The following SEC63 variants were observed in gnomAD, a reference collection of about 807,000 sequenced individuals.
SEC63 encodes translocation protein SEC63 homolog.
SEC63 carries 56 observed loss-of-function variants against 116.2 expected under a neutral mutation model. The ratio of observed to expected loss-of-function variants is 0.48; its 90% CI spans 0.39 to 0.60. The LOEUF (loss-of-function observed/expected upper bound fraction) is 0.60. SEC63 is among the 20% of genes least tolerant of loss of function. SEC63 has a pLI of 0.00. For synonymous variants in SEC63, 273 were observed against 294.6 expected (o/e 0.93, Z 0.75); for missense variants, 668 against 900.0 (o/e 0.74, Z 3.30).
chr6:107,947,854 T>TC (rs1770507835), intron 1 of SEC63, among the ~76,000 whole-genome samples: 1 of 151,064 alleles, frequency 6.6e-6, no homozygotes, highest in African/African-American at 2.4e-5. Flanking sequence ...ATCACCAACC[T>TC]CCCCCTCCAC....
At chr6:107,929,894 A>C (rs755162002) in intron 1 of SEC63, among the ~76,000 whole-genome samples, 2 of 152,250 alleles carry the variant, frequency 1.3e-5, no homozygotes, top group Non-Finnish European at 2.9e-5. Context: ...TGGTTTATTA[A>C]GGAAGCTAAG....
At chr6:107,950,053 T>C (rs1421238070) in intron 1 of SEC63, among the ~76,000 whole-genome samples, 1 of 152,202 alleles carries the variant, frequency 6.6e-6, no homozygotes, top group Non-Finnish European at 1.5e-5. Flanking sequence ...AGACTCACTT[T>C]ATATCCAAAG....
intron 4 of SEC63, among the ~76,000 whole-genome samples, chr6:107,919,055 C>T (rs373586971): frequency 2.6e-5 from 4 of 152,106 alleles, no homozygotes; most frequent in Middle Eastern, 3.4e-3. Context: ...GGATTACAGG[C>T]ATGCCCCACC....
intron 4 of SEC63, 115 bp from the exon 5 acceptor site, chr6:107,913,542 T>C: frequency 3.8e-6 from 3 of 788,232 alleles, no homozygotes; most frequent in Admixed American, 1.9e-5. Context: ...ACTGATTCCA[T>C]GAATCAAGAA....
intron 1 of SEC63, among the ~76,000 whole-genome samples, chr6:107,953,967 A>G (rs1218003993): frequency 3.3e-5 from 5 of 152,120 alleles, no homozygotes; most frequent in Non-Finnish European, 5.9e-5. Context: ...TGGGAGGTGT[A>G]CCCAACAGCT....
chr6:107,916,420 G>A (rs1227649904), intron 4 of SEC63, among the ~76,000 whole-genome samples: 1 of 152,356 alleles, frequency 6.6e-6, no homozygotes, highest in African/African-American at 2.4e-5. Context: ...CAAGGGGAGA[G>A]AAGAGACATA....
chr6:107,924,142 T>C (rs1787618059), intron 3 of SEC63, among the ~76,000 whole-genome samples: 1 of 149,654 alleles, frequency 6.7e-6, no homozygotes, highest in Admixed American at 6.7e-5. Flanking sequence ...CAGGTGCCTG[T>C]AGTCCCAGCT....
intron 7 of SEC63, among the ~76,000 whole-genome samples, chr6:107,910,644 G>A (rs1246608241): frequency 6.6e-6 from 1 of 151,012 alleles, no homozygotes; most frequent in Non-Finnish European, 1.5e-5. Context: ...ATATACACAT[G>A]TCATACATTT....
intron 13 of SEC63, 137 bp downstream of exon 13, chr6:107,901,233 C>G: frequency 1.2e-6 from 1 of 838,190 alleles, no homozygotes; most frequent in Non-Finnish European, 2.0e-6. Flanking sequence ...GTAAATCTGA[C>G]AGGTAAACTA....
chr6:107,938,850 C>A (rs1348300718), intron 1 of SEC63, among the ~76,000 whole-genome samples: 1 of 152,176 alleles, frequency 6.6e-6, no homozygotes, highest in Non-Finnish European at 1.5e-5. Flanking sequence ...CCACCGCCCA[C>A]GCCCAGCTAG....
chr6:107,902,834 A>C lies in SEC63; in HGVS notation c.1209+10T>G. 1 of 1,613,214 alleles carries C rather than the reference A, an allele frequency of 6.2e-7. No individual in the cohort carries two copies. The highest frequency in any genetic ancestry group is 1.1e-5 in the South Asian group (1 of 91,052). The stretch of plus-strand genomic sequence containing the variant: ...TGCTGAAAACTGACTTTAAAGTAGC[A>C]AAGAATTACCTTCTTATGATTAGAA... On this transcript the variant is annotated intron_variant, in intron 12 of 20. Coordinates refer to ENST00000369002, the MANE Select transcript of SEC63 (RefSeq NM_007214.5).
At chr6:107,892,669 A>T (rs1361831245) in intron 16 of SEC63, among the ~76,000 whole-genome samples, 2 of 152,230 alleles carry the variant, frequency 1.3e-5, no homozygotes, top group Non-Finnish European at 2.9e-5. Flanking sequence ...CTACAATTTC[A>T]GTAACAAGAC....
chr6:107,925,687 C>G (rs1787659551), intron 2 of SEC63, among the ~76,000 whole-genome samples: 4 of 152,174 alleles, frequency 2.6e-5, no homozygotes, highest in Admixed American at 2.6e-4. Context: ...AAAGTAATAT[C>G]TGGCAGTAAG....
At chr6:107,894,624 T>C (rs1180311600) in intron 14 of SEC63, among the ~76,000 whole-genome samples, 2 of 152,160 alleles carry the variant, frequency 1.3e-5, no homozygotes, top group East Asian at 3.8e-4. Context: ...CCAGTAAGCA[T>C]CTATACTAGA....
At chr6:107,939,816 T>C (rs1770336076) in intron 1 of SEC63, among the ~76,000 whole-genome samples, 2 of 152,176 alleles carry the variant, frequency 1.3e-5, no homozygotes, top group African/African-American at 4.8e-5. Flanking sequence ...CGTGGTTTGT[T>C]TGCCAGAATG....
intron 1 of SEC63, chr6:107,954,889 T>C (rs999691121): frequency 4.6e-5 from 7 of 152,244 alleles, no homozygotes; most frequent in Admixed American, 3.9e-4. Flanking sequence ...ACAATTTTCA[T>C]AATGATTAGA....
chr6:107,953,586 C>G (rs1296631214), intron 1 of SEC63, among the ~76,000 whole-genome samples: 1 of 147,378 alleles, frequency 6.8e-6, no homozygotes, highest in African/African-American at 2.5e-5. Context: ...GTCAGCCCCC[C>G]GCCCGGCCAG....
intron 16 of SEC63, among the ~76,000 whole-genome samples, chr6:107,889,441 C>T (rs1202462851): frequency 1.3e-5 from 2 of 152,012 alleles, no homozygotes; most frequent in East Asian, 3.9e-4. Flanking sequence ...GGTGACATCC[C>T]CTTTATCTTT....
At chr6:107,955,861 C>G (rs1337877202) in intron 1 of SEC63, 2 of 195,914 alleles carry the variant, frequency 1.0e-5, no homozygotes, top group South Asian at 1.7e-4. Context: ...CCATCCTGGG[C>G]AACAGAGTGA....
Sources: allele counts gnomAD v4.1 joint callset (sites outside exome capture counted in the v4.1 genomes callset), GRCh38; gene constraint gnomAD v4.1.1; transcripts MANE v1.5; gene names NCBI Gene and HGNC (gene_info 2026-07-23, HGNC 2026-07-21).